The following GLP1R variants were observed in gnomAD, a reference collection of about 807,000 sequenced individuals.
GLP1R encodes the protein glucagon like peptide 1 receptor.
In GLP1R, 32 loss-of-function variants were observed where a neutral mutation model predicts 68.4. The observed-to-expected ratio is 0.47, with a 90% CI of 0.35 to 0.63. The LOEUF (loss-of-function observed/expected upper bound fraction) is 0.63. GLP1R is among the 20% of genes least tolerant of loss of function. The probability of loss-of-function intolerance (pLI) is 0.00; values close to 1 mark genes in which losing one functional copy is unlikely to be tolerated. For synonymous variants in GLP1R, 263 were observed against 244.4 expected (o/e 1.08, Z -0.71); for missense variants, 502 against 594.9 (o/e 0.84, Z 1.62).
rs201308620 is a variant in GLP1R at position 39,086,150 on chromosome 6, G to A, written c.*77G>A. On this transcript the variant is annotated 3_prime_UTR_variant, in exon 13 of 13. Transcript: ENST00000373256. This position sits in a 1 kb window ranked among gnomAD's most constrained non-coding sequence, Gnocchi z 4.5. ...TCCAGGTGGGAGAGACACTCCCAGG[G>A]ACAAGGGAAGGAAGGGACACACACA... is the stretch of plus-strand genomic sequence containing the variant. 4 of 1,038,602 alleles carry A rather than the reference G, an allele frequency of 3.9e-6. No individual in the cohort carries two copies. Among genetic ancestry groups the A allele is most frequent in the Non-Finnish European group, 5.8e-6 (4 of 687,120 alleles). The allele number at this position is 1,038,602 out of a possible 1,614,324, so 64.3% of individuals were successfully genotyped here. A position where few individuals can be genotyped will look rare whatever the true frequency, so the allele number is the denominator to read the frequency against.
In GLP1R at chr6:39,087,918, G is replaced by A. The variant is rs917438461; in HGVS notation, c.*1845G>A. ...CCTTATTTGCTGTCTCTTCGTAAGC[G>A]TGGGCACCAGTGGGTTGATGTGGGA... On this transcript the variant is annotated 3_prime_UTR_variant, in exon 13 of 13. Coordinates refer to ENST00000373256, the MANE Select transcript of GLP1R (RefSeq NM_002062.5). 7.2e-5 allele frequency among the ~76,000 whole-genome samples: 11 copies of A among 152,270 alleles called. No homozygotes were observed. The South Asian group carries it at 8.3e-4, about 11-fold the overall frequency.
At chr6:39,075,536 C>T (rs1768795020) in intron 7 of GLP1R, among the ~76,000 whole-genome samples, 1 of 152,096 alleles carries the variant, frequency 6.6e-6, no homozygotes, top group Non-Finnish European at 1.5e-5. Flanking sequence ...AAGTCCTTTT[C>T]CTACCACCTC....
chr6:39,057,591 CCCCGA>C lies in GLP1R; in HGVS notation c.283+15_283+19del. ...CTGGGCCAGCAGTGGTGAGCCCCCTCCCCGACCTGGTACCTGCCCTGGGCCAGCAG... is the reference window on the plus strand; with the variant it reads ...CTGGGCCAGCAGTGGTGAGCCCCCTCCCTGGTACCTGCCCTGGGCCAGCAG... On this transcript the variant is annotated intron_variant, in intron 3 of 12. Transcript: ENST00000373256. 2 of 1,501,628 alleles carry C rather than the reference CCCCGA, an allele frequency of 1.3e-6. No individual in the cohort carries two copies. Among genetic ancestry groups the C allele is most frequent in the Admixed American group, 1.8e-5 (1 of 56,404 alleles). 93.0% of individuals were successfully genotyped at this position (1,501,628 alleles called of 1,614,324 possible).
At chr6:39,065,917 G>T in intron 4 of GLP1R, 88 bp downstream of exon 4, 1 of 767,474 alleles carries the variant, frequency 1.3e-6, no homozygotes, top group Non-Finnish European at 2.3e-6. Flanking sequence ...CTTTGATGGG[G>T]GCATCTGTGG....
chr6:39,078,827 G>A (rs998610294), intron 8 of GLP1R, 130 bp from the exon 9 acceptor site: 49 of 777,078 alleles, frequency 6.3e-5, no homozygotes, highest in Middle Eastern at 7.5e-4. Flanking sequence ...CTGGTTTTTG[G>A]GTGGCTCCTG....
At chr6:39,078,868 A>T in intron 8 of GLP1R, 89 bp from the exon 9 acceptor site, 1 of 1,080,590 alleles carries the variant, frequency 9.3e-7, no homozygotes. Context: ...CAACATGGCC[A>T]TGTGCATTGG....
intron 7 of GLP1R, among the ~76,000 whole-genome samples, chr6:39,074,920 G>T (rs771870045): frequency 5.9e-5 from 9 of 152,152 alleles, no homozygotes; most frequent in Non-Finnish European, 1.3e-4. Context: ...GTGTTCCTCA[G>T]CCATTTTTCT....
intron 3 of GLP1R, among the ~76,000 whole-genome samples, chr6:39,065,103 G>C (rs552520096): frequency 6.6e-6 from 1 of 152,192 alleles, no homozygotes; most frequent in Non-Finnish European, 1.5e-5. Context: ...TTGCAGGTAG[G>C]TCTGTGTCTC....
rs201451844 is a variant in GLP1R at position 39,078,952 on chromosome 6, C to T, written c.885-5C>T. The T allele has an allele frequency of 1.1e-3, 1,823 of 1,613,444 alleles. 19 individuals carry two copies. The highest frequency in any genetic ancestry group is 4.0e-3 in the Middle Eastern group (24 of 6,056). On this transcript the variant is annotated splice_polypyrimidine_tract_variant and splice_region_variant and intron_variant, in intron 8 of 12. Transcript: ENST00000373256. The stretch of plus-strand genomic sequence containing the variant: ...ATGCATGTGTGCATCTCTCTCCCTC[C>T]CCAGCTGCTGGACCAGGAACTCCAA...
At chr6:39,056,638 G>C in intron 2 of GLP1R, 145 bp downstream of exon 2, 1 of 554,418 alleles carries the variant, frequency 1.8e-6, no homozygotes, top group South Asian at 2.5e-5. Context: ...CATTGTCCAA[G>C]CTACTCCTTC....
Position 39,066,241 on chromosome 6 carries a change from G to A in GLP1R, c.447G>A (p.Thr149=), listed in dbSNP as rs780304500. 1.1e-5 allele frequency: 18 copies of A among 1,613,188 alleles called. No homozygotes were observed. Among genetic ancestry groups the A allele is most frequent in the Non-Finnish European group, 1.0e-5 (12 of 1,179,296 alleles). ...TCCTGTTCCTCTACATCATCTACACGGTGGGCTACGCACTCTCCTTCTCTG... is the reference window on the plus strand; with the variant it reads ...TCCTGTTCCTCTACATCATCTACACAGTGGGCTACGCACTCTCCTTCTCTG... The part of the protein sequence containing the change: ...EQLLFLYIIY[T]VGYALSFSAL... The change falls in exon 5 of 13, where the codon ACG becomes ACA. Residue 149 remains threonine (T), a synonymous_variant. Coordinates refer to ENST00000373256, the MANE Select transcript of GLP1R (RefSeq NM_002062.5).
intron 5 of GLP1R, among the ~76,000 whole-genome samples, chr6:39,070,200 T>C (rs1164261188): frequency 6.6e-6 from 1 of 152,264 alleles, no homozygotes; most frequent in African/African-American, 2.4e-5. Context: ...AGTTTTATCA[T>C]GAATTTTGGA....
In GLP1R at chr6:39,065,693, C is replaced by G; in HGVS notation, c.284-18C>G. 1 of 1,510,698 alleles carries G rather than the reference C, an allele frequency of 6.6e-7. No homozygotes were observed. The highest frequency in any genetic ancestry group is 9.0e-7 in the Non-Finnish European group (1 of 1,108,422). The allele number at this position is 1,510,698 out of a possible 1,614,324, so 93.6% of individuals were successfully genotyped here. A position where few individuals can be genotyped will look rare whatever the true frequency, so the allele number is the denominator to read the frequency against. ...CCTATTCTGGGCTGAGGCTCAGGGC[C>G]AGGTCTCCCCACCCCAGTGCCGCAG... On this transcript the variant is annotated intron_variant, in intron 3 of 12. Coordinates refer to ENST00000373256, the MANE Select transcript of GLP1R (RefSeq NM_002062.5).
chr6:39,066,411 C>G, intron 5 of GLP1R, 108 bp downstream of exon 5: 1 of 644,834 alleles, frequency 1.6e-6, no homozygotes, highest in South Asian at 1.8e-5. Flanking sequence ...CACATTCGTC[C>G]TTCTCTCAAG....
At position 39,056,465 on chromosome 6, in the gene GLP1R, CCTGA is replaced by C. The variant is rs761619784; in HGVS notation, c.152_155del (p.Thr51ArgfsTer30). 11 of 1,606,502 alleles carry C rather than the reference CCTGA, an allele frequency of 6.8e-6. No homozygotes were observed. The highest frequency in any genetic ancestry group is 8.5e-6 in the Non-Finnish European group (10 of 1,173,222). On this transcript the variant is annotated frameshift_variant, in exon 2 of 13. Coordinates refer to ENST00000373256, the MANE Select transcript of GLP1R (RefSeq NM_002062.5). LOFTEE classifies it high-confidence loss of function. ...AATACCGACGCCAGTGCCAGCGCTC[CCTGA>C]CTGAGGATCCACCTCCTGCCACAGG...
chr6:39,074,853 C>T (rs10305486), intron 7 of GLP1R, among the ~76,000 whole-genome samples: 3,539 of 152,326 alleles, frequency 0.023, 153 homozygotes, highest in African/African-American at 0.081. Context: ...TGGTTCTGTG[C>T]TCTCTGCCCT....
chr6:39,051,894 T>TGTGGGG (rs1430428706), intron 1 of GLP1R, among the ~76,000 whole-genome samples: 1 of 112,878 alleles, frequency 8.9e-6, no homozygotes, highest in African/African-American at 3.5e-5. Context: ...TGTGTGTGTG[T>TGTGGGG]GGGGGGGGGG....
At chr6:39,062,626 G>A (rs986733843) in intron 3 of GLP1R, among the ~76,000 whole-genome samples, 1 of 152,342 alleles carries the variant, frequency 6.6e-6, no homozygotes, top group Admixed American at 6.5e-5. Context: ...CTGCTGGGAG[G>A]AGACTGAATG....
At chr6:39,074,739 C>A (rs540114806) in intron 7 of GLP1R, among the ~76,000 whole-genome samples, 1 of 152,250 alleles carries the variant, frequency 6.6e-6, no homozygotes, top group African/African-American at 2.4e-5. Context: ...TGTCCCTGAG[C>A]CTTTGCAAGG....
Sources: gnomAD v4.1 joint callset for allele counts (sites outside exome capture counted in the v4.1 genomes callset) on GRCh38, gnomAD v4.1.1 for gene constraint, Gnocchi (gnomAD v3.1) non-coding constraint, MANE v1.5 for transcripts, NCBI Gene and HGNC (gene_info 2026-07-23, HGNC 2026-07-21) for gene names.